UPB1: variants seen among roughly 807,000 people sequenced by gnomAD.
UPB1 encodes beta-ureidopropionase 1, also known as beta-ureidopropionase.
Under a neutral mutation model 49.1 loss-of-function variants are expected in UPB1, and 40 were observed. The observed-to-expected ratio is 0.81, with a 90% confidence interval of 0.63 to 1.06. The LOEUF (loss-of-function observed/expected upper bound fraction) is 1.06. UPB1 is among the 50% of genes least tolerant of loss of function. The pLI is 0.00. For missense variants in UPB1, 499 were observed against 505.9 expected (o/e 0.99, Z 0.13); for synonymous variants, 207 against 198.2 (o/e 1.04, Z -0.38).
rs2043848634 is a variant in UPB1, at chr22:24,495,428, C to T, written c.25C>T (p.Leu9=). MAGAEWKS[L]EECLEKHLPL... ...CATGGCGGGCGCTGAGTGGAAGTCG[C>T]TGGAGGAATGCTTGGAGAAGCACCT... Residue 9 remains leucine, a synonymous_variant, in exon 1 of 10, where the codon CTG becomes TTG. Coordinates refer to ENST00000326010, the MANE Select transcript of UPB1 (RefSeq NM_016327.3). 1.2e-6 allele frequency: 2 copies of T among 1,613,460 alleles called. No individual in the cohort carries two copies. The highest frequency in any genetic ancestry group is 1.3e-5 in the African/African-American group (1 of 74,934).
In UPB1 at chr22:24,522,009, C is replaced by T; in HGVS notation, c.897C>T (p.Thr299=). 1 of 1,614,124 alleles carries T rather than the reference C, an allele frequency of 6.2e-7. No homozygotes were observed. The change falls in exon 8 of 10, where the codon ACC becomes ACT. Residue 299 remains threonine (T), a synonymous_variant. Coordinates refer to ENST00000326010, the MANE Select transcript of UPB1 (RefSeq NM_016327.3). Reference sequence around the variant, plus strand: ...AGGAGCACTTCCCGAACGAGTTTACCTCGGGAGATGGAAAGAAAGGTATGT... The same window carrying T: ...AGGAGCACTTCCCGAACGAGTTTACTTCGGGAGATGGAAAGAAAGGTATGT... The part of the protein sequence containing the change: ...VGTEHFPNEF[T]SGDGKKAHQD...
At chr22:24,507,539 G>A (rs2044112331) in intron 3 of UPB1, among the ~76,000 whole-genome samples, 1 of 152,202 alleles carries the variant, frequency 6.6e-6, no homozygotes, top group African/African-American at 2.4e-5. Flanking sequence ...GAAGATAGGA[G>A]TTATAAAGAA....
intron 9 of UPB1, among the ~76,000 whole-genome samples, chr22:24,525,495 G>C (rs2044468062): frequency 6.6e-6 from 1 of 152,186 alleles, no homozygotes. Context: ...ACAGGTCGAA[G>C]GGGTCACAGC....
chr22:24,521,892 G>T, intron 7 of UPB1, 94 bp from the exon 8 acceptor site: 6 of 1,352,606 alleles, frequency 4.4e-6, no homozygotes, highest in Non-Finnish European at 6.3e-6. Context: ...TCGCCTCTCG[G>T]CCTGATTGCC....
chr22:24,516,522 C>G (rs2044296066), intron 6 of UPB1: 1 of 152,216 alleles, frequency 6.6e-6, no homozygotes, highest in Non-Finnish European at 1.5e-5. Context: ...CACTTCTTTC[C>G]AAGCAGGATT....
At chr22:24,517,142 G>T (rs562676446) in intron 6 of UPB1, among the ~76,000 whole-genome samples, 5 of 152,100 alleles carry the variant, frequency 3.3e-5, no homozygotes, top group Non-Finnish European at 5.9e-5. Flanking sequence ...TACATAGCAG[G>T]TTCCTTCTGG....
At chr22:24,515,422 G>T (rs746496215) in intron 6 of UPB1, 52 bp downstream of exon 6, 14 of 1,612,780 alleles carry the variant, frequency 8.7e-6, no homozygotes, top group African/African-American at 1.3e-5. Flanking sequence ...GCCAGCTAAA[G>T]CCCAAGGCTG....
At chr22:24,502,070 T>TA (rs1816800004) in intron 2 of UPB1, 56 bp from the exon 3 acceptor site, 1 of 1,589,030 alleles carries the variant, frequency 6.3e-7, no homozygotes, top group Non-Finnish European at 8.6e-7. Flanking sequence ...GATGAGATCC[T>TA]AAAAATTGCC....
rs768235974 is a variant in UPB1, at chr22:24,525,773, C to T, written c.1134C>T (p.Ser378=). The T allele has an allele frequency of 2.5e-6, 4 of 1,614,096 alleles. No individual in the cohort carries two copies. The African/African-American group carries it at 5.3e-5, about 22-fold the overall frequency. Residue 378 remains serine, a synonymous_variant, in exon 10 of 10, where the codon AGC becomes AGT. Coordinates refer to ENST00000326010, the MANE Select transcript of UPB1 (RefSeq NM_016327.3). The stretch of plus-strand genomic sequence containing the variant: ...CCGAAGCTGTCAAGTCCAACTACAG[C>T]CCCACCATCGTGAAAGAGTAGCCGG... ...ELAEAVKSNY[S]PTIVKE is the part of the protein sequence containing the mutation.
chr22:24,512,195 A>G (rs1601499723), intron 4 of UPB1, among the ~76,000 whole-genome samples: 1 of 152,150 alleles, frequency 6.6e-6, no homozygotes, highest in South Asian at 2.1e-4. Flanking sequence ...AAAAAGAGGA[A>G]GGAGACTGGT....
intron 1 of UPB1, among the ~76,000 whole-genome samples, chr22:24,497,029 C>T (rs1423444904): frequency 6.6e-6 from 1 of 152,154 alleles, no homozygotes; most frequent in African/African-American, 2.4e-5. Context: ...CCCTCTTTCT[C>T]TTTCTTCCTC....
intron 9 of UPB1, among the ~76,000 whole-genome samples, chr22:24,524,500 G>T (rs984835448): frequency 1.3e-5 from 2 of 152,102 alleles, no homozygotes; most frequent in Non-Finnish European, 2.9e-5. Context: ...GGAGTAGGGG[G>T]CATGGAGACA....
At chr22:24,509,352 C>A (rs2044149563) in intron 3 of UPB1, among the ~76,000 whole-genome samples, 2 of 109,570 alleles carry the variant, frequency 1.8e-5, no homozygotes, top group Non-Finnish European at 1.7e-5. Flanking sequence ...GTGTATGTAC[C>A]TACTGTTTGA....
At chr22:24,511,735 T>TC (rs1458166461) in intron 4 of UPB1, among the ~76,000 whole-genome samples, 1 of 151,150 alleles carries the variant, frequency 6.6e-6, no homozygotes, top group Non-Finnish European at 1.5e-5. Context: ...TGCCTCAGCC[T>TC]CCGGAGTAGC....
chr22:24,503,865 G>A (rs1428921724), intron 3 of UPB1: 1 of 152,178 alleles, frequency 6.6e-6, no homozygotes, highest in Non-Finnish European at 1.5e-5. Flanking sequence ...TTCCTATTGC[G>A]ATTGTGTGTT....
At chr22:24,502,391 G>A (rs1423093065) in intron 3 of UPB1, 178 bp downstream of exon 3, 1 of 799,174 alleles carries the variant, frequency 1.3e-6, no homozygotes, top group Non-Finnish European at 2.3e-6. Context: ...GCACCGAGCT[G>A]TTGTCTGATT....
intron 6 of UPB1, among the ~76,000 whole-genome samples, chr22:24,515,908 G>A (rs907539940): frequency 1.3e-5 from 2 of 152,166 alleles, no homozygotes; most frequent in Non-Finnish European, 2.9e-5. Context: ...CTTGGGAGGC[G>A]GAGGTTGCAG....
chr22:24,509,366 A>G (rs2044152038), intron 3 of UPB1, among the ~76,000 whole-genome samples: 2 of 21,736 alleles, frequency 9.2e-5, no homozygotes, highest in Non-Finnish European at 1.9e-4. Flanking sequence ...TGTTTGAAAA[A>G]AAAAAAAAAA....
intron 5 of UPB1, among the ~76,000 whole-genome samples, chr22:24,514,871 C>T (rs1310316141): frequency 6.6e-6 from 1 of 152,110 alleles, no homozygotes; most frequent in Non-Finnish European, 1.5e-5. Context: ...GTGTTAATGC[C>T]AACCAAACCC....
Sources: allele counts gnomAD v4.1 joint callset (sites outside exome capture counted in the v4.1 genomes callset), GRCh38; gene constraint gnomAD v4.1.1; transcripts MANE v1.5; gene names NCBI Gene and HGNC (gene_info 2026-07-23, HGNC 2026-07-21).